MTAP: variants seen among roughly 807,000 people sequenced by gnomAD.
The protein encoded by MTAP is S-methyl-5'-thioadenosine phosphorylase.
MTAP carries 33 observed loss-of-function variants against 33.6 expected under a neutral mutation model. That is an observed-to-expected ratio of 0.98 (90% CI 0.74 to 1.31). The LOEUF (loss-of-function observed/expected upper bound fraction) is 1.31. Ranked by LOEUF, MTAP falls within the 40% of genes most tolerant of loss-of-function variation. The pLI is 0.00. For synonymous variants in MTAP, 148 were observed against 125.7 expected (o/e 1.18, Z -1.19); for missense variants, 367 against 360.0 (o/e 1.02, Z -0.16).
At chr9:21,870,749 C>T (rs1825923163), downstream of MTAP, among the ~76,000 whole-genome samples, 1 of 150,260 alleles carries the variant, frequency 6.7e-6, no homozygotes, top group African/African-American at 2.4e-5. Flanking sequence ...ACTAACAGTA[C>T]ATCTCAATTC....
rs112191074 is a variant in MTAP, at chr9:21,847,649, A to G, written c.451-6982A>G. On this transcript the variant is annotated intron_variant, in intron 5 of 7. Transcript: ENST00000644715. Reference sequence around the variant, plus strand: ...CATATATGGAGGACCAGGGAACATAATGAAGCTGGTTGGTTGCTCCTAAGT... The same window carrying G: ...CATATATGGAGGACCAGGGAACATAGTGAAGCTGGTTGGTTGCTCCTAAGT... 8.2e-3 allele frequency among the ~76,000 whole-genome samples: 1,254 copies of G among 152,334 alleles called. 6 individuals carry two copies. The highest frequency in any genetic ancestry group is 0.014 in the Non-Finnish European group (950 of 68,032).
chr9:21,940,194 T>A (rs1478095486), downstream of MTAP, among the ~76,000 whole-genome samples: 1 of 152,226 alleles, frequency 6.6e-6, no homozygotes, highest in East Asian at 1.9e-4. Context: ...TGATGACAAG[T>A]CCTTGGCTTG....
At chr9:21,907,274 C>G (rs775192244) in intron 1 of MTAP, among the ~76,000 whole-genome samples, 1 of 152,214 alleles carries the variant, frequency 6.6e-6, no homozygotes, top group African/African-American at 2.4e-5. Flanking sequence ...AGGCTAGGCG[C>G]GATGGCTTTT....
chr9:21,867,348 TC>T (rs745331514), downstream of MTAP, among the ~76,000 whole-genome samples: 3 of 152,284 alleles, frequency 2.0e-5, no homozygotes, highest in South Asian at 2.1e-4. Flanking sequence ...AGATTGAAGA[TC>T]CCTTTTATTC....
At chr9:21,874,855 C>A (rs1563856113) in intron 1 of MTAP, among the ~76,000 whole-genome samples, 1 of 152,046 alleles carries the variant, frequency 6.6e-6, no homozygotes, top group Non-Finnish European at 1.5e-5. Flanking sequence ...CTAGCCCACA[C>A]CCTGACAGGC....
chr9:21,904,531 G>A (rs1818444137), intron 1 of MTAP, among the ~76,000 whole-genome samples: 1 of 152,078 alleles, frequency 6.6e-6, no homozygotes, highest in East Asian at 1.9e-4. Context: ...GTTGAACACA[G>A]ACACTGTATA....
downstream of MTAP, among the ~76,000 whole-genome samples, chr9:21,939,718 A>AATC (rs1382348190): frequency 6.6e-6 from 1 of 151,804 alleles, no homozygotes; most frequent in African/African-American, 2.4e-5. Context: ...TAATAATAAT[A>AATC]ATAATAATAC....
At chr9:21,845,266 G>A (rs1036902875) in intron 5 of MTAP, among the ~76,000 whole-genome samples, 10 of 152,190 alleles carry the variant, frequency 6.6e-5, no homozygotes, top group African/African-American at 1.7e-4. Context: ...TGATATGATC[G>A]TATACCTAGA....
intron 1 of MTAP, among the ~76,000 whole-genome samples, chr9:21,915,132 G>C (rs1390916303): frequency 1.3e-5 from 2 of 149,190 alleles, no homozygotes; most frequent in African/African-American, 2.5e-5. Flanking sequence ...ACCCAGCCTG[G>C]AGTGCAGTGG....
In MTAP at chr9:21,862,863, A is replaced by C; in HGVS notation, c.*849A>C. 1 of 771,326 alleles carries C rather than the reference A, an allele frequency of 1.3e-6. No homozygotes were observed. The highest frequency in any genetic ancestry group is 1.6e-6 in the Non-Finnish European group (1 of 636,132). The allele number at this position is 771,326 out of a possible 1,614,324, so 47.8% of individuals were successfully genotyped here. The stretch of plus-strand genomic sequence containing the variant: ...CTGGGATAATTTTTATTTTCTTTGA[A>C]TCTTTCTGTGTCTTCACATTTTTCT... On this transcript the variant is annotated 3_prime_UTR_variant, in exon 8 of 8. Transcript: ENST00000644715.
chr9:21,864,593 G>T lies in MTAP; in HGVS notation c.*2579G>T, dbSNP rs1441714600. ...ACATCCTGGCCCTGTGGTCCCCGAG[G>T]GTCATGGTCCTTGTGACCTGGCCCC... On this transcript the variant is annotated 3_prime_UTR_variant, in exon 8 of 8. Transcript: ENST00000644715. 1 of 985,344 alleles carries T rather than the reference G, an allele frequency of 1.0e-6. No homozygotes were observed. Among genetic ancestry groups the T allele is most frequent in the Non-Finnish European group, 1.2e-6 (1 of 829,980 alleles). The allele number at this position is 985,344 out of a possible 1,614,324, so 61.0% of individuals were successfully genotyped here. A position where few individuals can be genotyped will look rare whatever the true frequency, so the allele number is the denominator to read the frequency against.
chr9:21,905,225 C>G (rs967167228), intron 1 of MTAP, among the ~76,000 whole-genome samples: 1 of 152,054 alleles, frequency 6.6e-6, no homozygotes, highest in African/African-American at 2.4e-5. Flanking sequence ...TGCATGAGTG[C>G]AAGGTTTTAT....
intron 1 of MTAP, among the ~76,000 whole-genome samples, chr9:21,907,617 C>A (rs1348844856): frequency 6.6e-6 from 1 of 151,666 alleles, no homozygotes; most frequent in Non-Finnish European, 1.5e-5. Flanking sequence ...ATGTGTTTCA[C>A]ATACTTTCCT....
intron 5 of MTAP, among the ~76,000 whole-genome samples, chr9:21,843,739 A>T (rs943411883): frequency 3.9e-5 from 6 of 152,222 alleles, no homozygotes; most frequent in Non-Finnish European, 8.8e-5. Context: ...TCTGGGATAC[A>T]GAAAAAGTGG....
At chr9:21,879,639 G>T (rs1817968434) in intron 1 of MTAP, among the ~76,000 whole-genome samples, 1 of 151,920 alleles carries the variant, frequency 6.6e-6, no homozygotes, top group African/African-American at 2.4e-5. Flanking sequence ...CTGCTTTATA[G>T]TGTCATTGGT....
intron 1 of MTAP, among the ~76,000 whole-genome samples, chr9:21,880,580 A>C (rs550369270): frequency 6.6e-6 from 1 of 152,274 alleles, no homozygotes; most frequent in South Asian, 2.1e-4. Context: ...ATTTATATAC[A>C]AAACTCAACT....
intron 1 of MTAP, among the ~76,000 whole-genome samples, chr9:21,905,360 G>A (rs535180557): frequency 6.6e-6 from 1 of 152,140 alleles, no homozygotes; most frequent in African/African-American, 2.4e-5. Flanking sequence ...CACAGGATGG[G>A]GGGCGTGGCA....
chr9:21,930,283 T>G (rs1818936397), intron 1 of MTAP: 2 of 235,090 alleles, frequency 8.5e-6, no homozygotes, highest in South Asian at 6.5e-5. Flanking sequence ...TTGGTATTTT[T>G]GGGGGCTGTC....
chr9:21,804,160 A>G (rs1824143553), intron 1 of MTAP, among the ~76,000 whole-genome samples: 1 of 152,226 alleles, frequency 6.6e-6, no homozygotes, highest in African/African-American at 2.4e-5. Flanking sequence ...TATATTGTCT[A>G]TGTTGCACAT....
Sources: allele counts gnomAD v4.1 joint callset (sites outside exome capture counted in the v4.1 genomes callset), GRCh38; gene constraint gnomAD v4.1.1; transcripts MANE v1.5; gene names NCBI Gene and HGNC (gene_info 2026-07-23, HGNC 2026-07-21).